The following RAI14 variants were observed in gnomAD, a reference collection of about 807,000 sequenced individuals.
The protein encoded by RAI14 is ankycorbin.
Under a neutral mutation model 115.4 loss-of-function variants are expected in RAI14, and 45 were observed. The ratio of observed to expected loss-of-function variants is 0.39; its 90% CI spans 0.31 to 0.50. The LOEUF is 0.50. RAI14 is among the 20% of genes least tolerant of loss of function. The pLI is 0.85. For synonymous variants in RAI14, 371 were observed against 415.4 expected (o/e 0.89, Z 1.30); for missense variants, 939 against 1,131.2 (o/e 0.83, Z 2.44).
intron 2 of RAI14, among the ~76,000 whole-genome samples, chr5:34,747,319 G>A (rs918373195): frequency 9.2e-5 from 14 of 152,174 alleles, no homozygotes; most frequent in Middle Eastern, 3.2e-3. Context: ...ACAGCTCCTC[G>A]CACTGTACAT....
intron 2 of RAI14, among the ~76,000 whole-genome samples, chr5:34,702,106 G>A (rs746061751): frequency 6.6e-5 from 10 of 152,084 alleles, no homozygotes; most frequent in African/African-American, 2.4e-4. Flanking sequence ...GAACCACCAC[G>A]CCCGCCCAAG....
In RAI14 at chr5:34,689,130, C is replaced by T. The variant is rs147216471; in HGVS notation, c.36+2175C>T. 2.5e-3 allele frequency among the ~76,000 whole-genome samples: 373 copies of T among 152,234 alleles called. 3 individuals carry two copies. The highest frequency in any genetic ancestry group is 7.9e-3 in the African/African-American group (327 of 41,544). ...TAAGAAACTAGGCAATCTGCTGGCA[C>T]GGTGGCTCACTCCTGTAATCCCAGC... On this transcript the variant is annotated intron_variant, in intron 2 of 17. Coordinates refer to ENST00000265109, the MANE Select transcript of RAI14 (RefSeq NM_015577.3).
rs1471483569 is a variant in RAI14 at position 34,757,252 on chromosome 5, C to T, written c.37-216C>T. On this transcript the variant is annotated intron_variant, in intron 2 of 17. Transcript: ENST00000265109. ...TTTATCTCAGAGTTTGGTGACTAGC[C>T]GTGATTTCATTGCACTATTTATGTT... 9 of 610,126 alleles carry T rather than the reference C, an allele frequency of 1.5e-5. No individual in the cohort carries two copies. In the East Asian group the frequency reaches 2.1e-4, roughly 14 times the overall value. 37.8% of individuals were successfully genotyped at this position (610,126 alleles called of 1,614,324 possible). A position where few individuals can be genotyped will look rare whatever the true frequency, so the allele number is the denominator to read the frequency against.
At chr5:34,697,164 C>T (rs538645316) in intron 2 of RAI14, among the ~76,000 whole-genome samples, 47 of 151,276 alleles carry the variant, frequency 3.1e-4, no homozygotes, top group African/African-American at 9.4e-4. Context: ...AGGCCAAGTG[C>T]GGTGGCTCAC....
chr5:34,686,949 G>C lies in RAI14; in HGVS notation c.30G>C (p.Lys10Asn). The C allele has an allele frequency of 6.2e-7, 1 of 1,613,850 alleles. No homozygotes were observed. The highest frequency in any genetic ancestry group is 8.5e-7 in the Non-Finnish European group (1 of 1,179,888). Residue 10 changes from lysine (K) to asparagine (N), a missense_variant, in exon 2 of 18, where the codon AAG becomes AAC. By Grantham distance (94) the Lys-to-Asn change is moderately conservative. Coordinates refer to ENST00000265109, the MANE Select transcript of RAI14 (RefSeq NM_015577.3). ...AGAGCTTGAAAGCGAAGTTCAGGAA[G>C]AGTGACGTGAGTATGCGGTGACTCA... is the stretch of plus-strand genomic sequence containing the variant. MKSLKAKFR[K>N]SDTNEWNKND...
chr5:34,795,079 GGCCTGACCACCCA>G (rs1004476973), intron 3 of RAI14, among the ~76,000 whole-genome samples: 9 of 152,246 alleles, frequency 5.9e-5, no homozygotes, highest in South Asian at 4.2e-4. Context: ...TTGGCCTCTG[GGCCTGACCACCCA>G]GTGGAATTGT....
intron 3 of RAI14, among the ~76,000 whole-genome samples, chr5:34,771,133 G>T (rs1480287863): frequency 6.6e-6 from 1 of 152,186 alleles, no homozygotes; most frequent in Non-Finnish European, 1.5e-5. Context: ...TTGGGGCAGG[G>T]CAGTGATCTT....
intron 4 of RAI14, among the ~76,000 whole-genome samples, chr5:34,803,232 T>A (rs976074191): frequency 6.6e-6 from 1 of 152,124 alleles, no homozygotes; most frequent in Admixed American, 6.5e-5. Context: ...TGGGGGATGC[T>A]CGATTCTTCC....
Position 34,824,600 on chromosome 5 carries a change from A to C in RAI14, c.2649+109A>C, listed in dbSNP as rs113591104. On this transcript the variant is annotated intron_variant, in intron 15 of 17. Transcript: ENST00000265109. ...TGGCACTAAACTGGAGTGAATGCTC[A>C]GAGGCTCTGCACATGAACTTTATCT... 8.6e-4 allele frequency: 770 copies of C among 893,134 alleles called. 5 individuals carry two copies. The African/African-American group carries it at 0.012, about 14-fold the overall frequency. 55.3% of individuals were successfully genotyped at this position (893,134 alleles called of 1,614,324 possible).
intron 13 of RAI14, among the ~76,000 whole-genome samples, chr5:34,819,553 A>C (rs1472185088): frequency 6.6e-6 from 1 of 152,212 alleles, no homozygotes; most frequent in Non-Finnish European, 1.5e-5. Context: ...TTATGATCAT[A>C]GGGTTTAATT....
rs1182523213 is a variant in RAI14, at chr5:34,830,793, C to T, written c.*28C>T. On this transcript the variant is annotated 3_prime_UTR_variant, in exon 18 of 18. Transcript: ENST00000265109. Reference sequence around the variant, plus strand: ...TGGATTCCTTGGCAGGACACTGCCCCTTGTCATCTGTCTTTGTGTTAGATC... The same window carrying T: ...TGGATTCCTTGGCAGGACACTGCCCTTTGTCATCTGTCTTTGTGTTAGATC... 6.2e-7 allele frequency: 1 copy of T among 1,613,268 alleles called. No homozygotes were observed. The highest frequency in any genetic ancestry group is 1.1e-5 in the South Asian group (1 of 90,932).
chr5:34,674,958 G>A (rs1743876805), intron 1 of RAI14, among the ~76,000 whole-genome samples: 2 of 148,768 alleles, frequency 1.3e-5, no homozygotes, highest in African/African-American at 5.0e-5. Context: ...GTCCAGTGGT[G>A]TGATCTCAGC....
intron 2 of RAI14, among the ~76,000 whole-genome samples, chr5:34,743,813 A>C (rs1459852496): frequency 6.6e-6 from 1 of 152,234 alleles, no homozygotes; most frequent in Non-Finnish European, 1.5e-5. Context: ...GCGGGGGTGC[A>C]GAGAAAATAC....
Position 34,754,145 on chromosome 5 carries a change from A to G in RAI14, c.37-3323A>G, listed in dbSNP as rs1265356928. On this transcript the variant is annotated intron_variant, in intron 2 of 17. Transcript: ENST00000265109. ...TAGTTTTATAGGAGAGGATGAGAGG[A>G]TGTAGGAAATATCTCCGTGGGCAAG... Among the ~76,000 whole-genome samples the G allele has an allele frequency of 3.9e-5, 6 of 151,940 alleles. No individual in the cohort carries two copies. The East Asian group carries it at 7.7e-4, about 20-fold the overall frequency.
chr5:34,810,784 G>C (rs1755488828), intron 7 of RAI14, among the ~76,000 whole-genome samples: 1 of 152,048 alleles, frequency 6.6e-6, no homozygotes, highest in Non-Finnish European at 1.5e-5. Context: ...GCCGCAAGAA[G>C]CTGGAGCTCC....
chr5:34,715,310 T>A (rs1579999167), intron 2 of RAI14, among the ~76,000 whole-genome samples: 1 of 152,154 alleles, frequency 6.6e-6, no homozygotes, highest in East Asian at 1.9e-4. Context: ...TGATTAAGTA[T>A]GCTAATGAGT....
In RAI14 at chr5:34,823,234, A is replaced by G; in HGVS notation, c.1392A>G (p.Ala464=). 1 of 1,614,144 alleles carries G rather than the reference A, an allele frequency of 6.2e-7. No individual in the cohort carries two copies. The highest frequency in any genetic ancestry group is 8.5e-7 in the Non-Finnish European group (1 of 1,180,038). Residue 464 remains alanine, a synonymous_variant, in exon 15 of 18, where the codon GCA becomes GCG. Coordinates refer to ENST00000265109, the MANE Select transcript of RAI14 (RefSeq NM_015577.3). The surrounding 1 kb of genome is among the most constrained non-coding windows in gnomAD (Gnocchi z 4.5). ...QLQVELQSRR[A]ELVCLNNTEI... ...AGGTCGAACTCCAATCCCGAAGGGCAGAACTGGTATGCTTAAACAACACTG... is the reference window on the plus strand; with the variant it reads ...AGGTCGAACTCCAATCCCGAAGGGCGGAACTGGTATGCTTAAACAACACTG...
chr5:34,804,851 A>G (rs566604399), intron 5 of RAI14, among the ~76,000 whole-genome samples: 1 of 152,180 alleles, frequency 6.6e-6, no homozygotes, highest in Non-Finnish European at 1.5e-5. Context: ...CTCTGCCTCC[A>G]TATCCTTGGC....
Position 34,665,386 on chromosome 5 carries a change from A to G in RAI14, c.-49+8911A>G, listed in dbSNP as rs531013886. 9.3e-5 allele frequency among the ~76,000 whole-genome samples: 14 copies of G among 150,780 alleles called. No homozygotes were observed. In the South Asian group the frequency reaches 2.7e-3, roughly 29 times the overall value. On this transcript the variant is annotated intron_variant, in intron 1 of 17. Coordinates refer to ENST00000265109, the MANE Select transcript of RAI14 (RefSeq NM_015577.3). ...CCAGTTCCTTTTGCTGGCTGAAGTG[A>G]TAGACACTCAGAAAACAGGCAGTGT...
Sources: gnomAD v4.1 joint callset for allele counts (sites outside exome capture counted in the v4.1 genomes callset) on GRCh38, gnomAD v4.1.1 for gene constraint, Gnocchi (gnomAD v3.1) non-coding constraint, MANE v1.5 for transcripts, NCBI Gene and HGNC (gene_info 2026-07-23, HGNC 2026-07-21) for gene names.